Variants in EAF2 observed in about 807,000 individuals in gnomAD.
The protein encoded by EAF2 is ELL-associated factor 2.
EAF2 carries 29 observed loss-of-function variants against 29.4 expected under a neutral mutation model. That is an observed-to-expected ratio of 0.99 (90% CI 0.73 to 1.35). The LOEUF (loss-of-function observed/expected upper bound fraction) is 1.35. Among genes scored for constraint, EAF2 ranks in the 40% most tolerant of loss-of-function variants. EAF2 has a pLI of 0.00. For synonymous variants in EAF2, 103 were observed against 102.5 expected (o/e 1.00, Z -0.03); for missense variants, 292 against 312.0 (o/e 0.94, Z 0.48).
intron 2 of EAF2, among the ~76,000 whole-genome samples, chr3:121,846,969 A>C (rs532540204): frequency 9.9e-5 from 15 of 152,180 alleles, no homozygotes; most frequent in Admixed American, 2.0e-4. Context: ...GTGAATTGTA[A>C]ATTTCAGAAA....
chr3:121,839,595 A>G (rs1404240224), intron 1 of EAF2, among the ~76,000 whole-genome samples: 2 of 152,224 alleles, frequency 1.3e-5, no homozygotes, highest in African/African-American at 4.8e-5. Flanking sequence ...ATACCGGTGA[A>G]AAGTATGAAA....
intron 4 of EAF2, among the ~76,000 whole-genome samples, chr3:121,858,298 T>C (rs1298737565): frequency 6.6e-6 from 1 of 152,238 alleles, no homozygotes. Context: ...AGTGTAAAAG[T>C]GTTCCTATTT....
intron 4 of EAF2, 57 bp downstream of exon 4, chr3:121,857,213 G>A: frequency 6.7e-7 from 1 of 1,486,120 alleles, no homozygotes; most frequent in Non-Finnish European, 9.1e-7. Flanking sequence ...AAATGTTAAG[G>A]CCAGGCATGG....
chr3:121,835,650 A>G (rs529177872), intron 1 of EAF2, among the ~76,000 whole-genome samples: 99 of 152,308 alleles, frequency 6.5e-4, no homozygotes, highest in Non-Finnish European at 7.8e-4. Flanking sequence ...GTGTGAAAAA[A>G]GTCTGTAGAG....
At chr3:121,876,478 T>C (rs1176288541) in intron 5 of EAF2, among the ~76,000 whole-genome samples, 1 of 151,874 alleles carries the variant, frequency 6.6e-6, no homozygotes, top group African/African-American at 2.4e-5. Context: ...AAAAAATAGA[T>C]AAAATGTCAG....
intron 4 of EAF2, among the ~76,000 whole-genome samples, chr3:121,867,667 C>T (rs1363584436): frequency 2.0e-5 from 3 of 152,040 alleles, no homozygotes; most frequent in Non-Finnish European, 4.4e-5. Context: ...AGAAGAGAAA[C>T]GTTAAATGAA....
At chr3:121,847,980 G>GT (rs1214053411) in intron 2 of EAF2, among the ~76,000 whole-genome samples, 5 of 152,112 alleles carry the variant, frequency 3.3e-5, no homozygotes, top group Admixed American at 2.6e-4. Context: ...CTAGACAATG[G>GT]TTTTAGATGA....
At chr3:121,853,817 T>A (rs1353876385) in intron 2 of EAF2, among the ~76,000 whole-genome samples, 1 of 152,160 alleles carries the variant, frequency 6.6e-6, no homozygotes, top group African/African-American at 2.4e-5. Context: ...GGTTTTTGTG[T>A]GGTTTTTGGC....
intron 1 of EAF2, 94 bp from the exon 2 acceptor site, chr3:121,844,359 T>C (rs1708484936): frequency 1.3e-6 from 1 of 779,112 alleles, no homozygotes; most frequent in African/African-American, 1.8e-5. Flanking sequence ...ACAAAGCTCT[T>C]GAAAAATGAT....
chr3:121,853,657 T>C (rs1020412696), intron 2 of EAF2, among the ~76,000 whole-genome samples: 1 of 152,238 alleles, frequency 6.6e-6, no homozygotes, highest in African/African-American at 2.4e-5. Context: ...CTAGAGAATA[T>C]ACCTACATTC....
chr3:121,864,848 G>A (rs13319575), intron 4 of EAF2, among the ~76,000 whole-genome samples: 3 of 151,816 alleles, frequency 2.0e-5, no homozygotes, highest in Admixed American at 6.6e-5. Context: ...TAATAATTTA[G>A]CTCTGAGCTT....
chr3:121,850,732 T>C (rs946470383), intron 2 of EAF2, among the ~76,000 whole-genome samples: 2 of 152,212 alleles, frequency 1.3e-5, no homozygotes, highest in Non-Finnish European at 2.9e-5. Context: ...AGTCTCACTC[T>C]GTCACCCAGG....
intron 4 of EAF2, among the ~76,000 whole-genome samples, chr3:121,861,788 T>G (rs1249341986): frequency 6.6e-6 from 1 of 152,240 alleles, no homozygotes; most frequent in Non-Finnish European, 1.5e-5. Context: ...CAATTTGGCA[T>G]GTTTTTGTAG....
chr3:121,858,084 G>T (rs1038895220), intron 4 of EAF2, among the ~76,000 whole-genome samples: 1 of 152,124 alleles, frequency 6.6e-6, no homozygotes, highest in Non-Finnish European at 1.5e-5. Context: ...GGACATTTGG[G>T]TTGGTTCCAA....
Position 121,848,248 on chromosome 3 carries a change from G to A in EAF2, c.201+3701G>A, listed in dbSNP as rs1331361846. Among the ~76,000 whole-genome samples the A allele has an allele frequency of 3.9e-5, 6 of 152,280 alleles. No individual in the cohort carries two copies. In the East Asian group the frequency reaches 1.2e-3, roughly 29 times the overall value. On this transcript the variant is annotated intron_variant, in intron 2 of 5. Transcript: ENST00000273668. ...TAGGTTGGCAGCAGAGGGGCAGAAG[G>A]AAGTATACAGGCAGAGATGTATGCA...
In EAF2 at chr3:121,869,647, C is replaced by G. The variant is rs1708978177; in HGVS notation, c.485-2890C>G. On this transcript the variant is annotated intron_variant, in intron 4 of 5. Coordinates refer to ENST00000273668, the MANE Select transcript of EAF2 (RefSeq NM_018456.6). ...ATCCCAACACTTTCGGAGGCCAAGG[C>G]AAGAGGGTTGCTTGAGCCCGGGAGT... Among the ~76,000 whole-genome samples the G allele has an allele frequency of 3.3e-5, 5 of 151,650 alleles. No homozygotes were observed. In the South Asian group the frequency reaches 1.0e-3, roughly 32 times the overall value.
rs899688292 is a variant in EAF2, at chr3:121,875,358, C to T, written c.736+2570C>T. On this transcript the variant is annotated intron_variant, in intron 5 of 5. Coordinates refer to ENST00000273668, the MANE Select transcript of EAF2 (RefSeq NM_018456.6). ...ATAGGGTCTGTAGAACCTTGATATC[C>T]GTTGACTCCTTGAAGGGATCTAGCA... Among the ~76,000 whole-genome samples, 16 of 151,992 alleles carry T rather than the reference C, an allele frequency of 1.1e-4. No homozygotes were observed. The South Asian group carries it at 2.5e-3, about 24-fold the overall frequency.
chr3:121,884,405 G>A (rs1709245333), intron 5 of EAF2, among the ~76,000 whole-genome samples: 1 of 150,810 alleles, frequency 6.6e-6, no homozygotes, highest in East Asian at 1.9e-4. Context: ...CACAGAAGAA[G>A]TTTTAGCAGA....
At chr3:121,840,221 G>A (rs994774834) in intron 1 of EAF2, among the ~76,000 whole-genome samples, 1 of 142,096 alleles carries the variant, frequency 7.0e-6, no homozygotes, top group Admixed American at 7.1e-5. Context: ...AGCCAGGCGC[G>A]GTGGCTCACG....
Sources: allele counts gnomAD v4.1 joint callset (sites outside exome capture counted in the v4.1 genomes callset), GRCh38; gene constraint gnomAD v4.1.1; transcripts MANE v1.5; gene names NCBI Gene and HGNC (gene_info 2026-07-23, HGNC 2026-07-21).